The following CADPS2 variants were observed in gnomAD, a reference collection of about 807,000 sequenced individuals.
The protein encoded by CADPS2 is calcium dependent secretion activator 2.
In CADPS2, 93 loss-of-function variants were observed where a neutral mutation model predicts 172.5. The observed-to-expected ratio is 0.54, with a 90% confidence interval of 0.46 to 0.64. The LOEUF (loss-of-function observed/expected upper bound fraction) is 0.64, where lower values mean the gene tolerates loss of function less well. Among genes scored for constraint, CADPS2 ranks in the 30% least tolerant of loss-of-function variants. The pLI, the probability that CADPS2 is intolerant of heterozygous loss-of-function variation, is 0.00. For missense variants in CADPS2, 1,420 were observed against 1,565.9 expected, an observed-to-expected ratio of 0.91 and a Z score of 1.57; for synonymous variants, 546 against 555.2, an observed-to-expected ratio of 0.98 and a Z score of 0.23.
chr7:122,330,283 G>A (rs2034695320), intron 28 of CADPS2, among the ~76,000 whole-genome samples: 1 of 152,112 alleles, frequency 6.6e-6, no homozygotes, highest in Non-Finnish European at 1.5e-5. Context: ...GTTAAATGAG[G>A]AAGGCTTGGA....
chr7:122,590,956 A>C lies in CADPS2; in HGVS notation c.1224-9666T>G, dbSNP rs529275155. 3.2e-4 allele frequency among the ~76,000 whole-genome samples: 49 copies of C among 151,978 alleles called. 1 individual carries two copies. Among genetic ancestry groups the C allele is most frequent in the Non-Finnish European group, 7.1e-4 (48 of 67,938 alleles). On this transcript the variant is annotated intron_variant, in intron 6 of 29. Coordinates refer to ENST00000449022, the MANE Select transcript of CADPS2 (RefSeq NM_017954.11). ...TATACATCTAATTAAATTAGTTTAA[A>C]TTGGGTGATCAATAATGTTTATAGA...
intron 11 of CADPS2, among the ~76,000 whole-genome samples, chr7:122,484,264 A>G (rs1217030049): frequency 6.6e-6 from 1 of 152,186 alleles, no homozygotes; most frequent in Non-Finnish European, 1.5e-5. Context: ...ACCTAACTGT[A>G]AGATTTACCA....
intron 25 of CADPS2, among the ~76,000 whole-genome samples, chr7:122,370,241 T>C (rs1013295970): frequency 6.6e-6 from 1 of 152,172 alleles, no homozygotes; most frequent in African/African-American, 2.4e-5. Flanking sequence ...GTGTGTCTCC[T>C]CCAAGGGTTA....
chr7:122,818,118 C>T (rs1435635677), intron 1 of CADPS2, among the ~76,000 whole-genome samples: 1 of 151,534 alleles, frequency 6.6e-6, no homozygotes, highest in Non-Finnish European at 1.5e-5. Flanking sequence ...ACCCCCGAAC[C>T]CCTTCCCTCC....
At chr7:122,618,179 C>T (rs2075175311) in intron 5 of CADPS2, among the ~76,000 whole-genome samples, 1 of 152,096 alleles carries the variant, frequency 6.6e-6, no homozygotes, top group South Asian at 2.1e-4. Flanking sequence ...TGTGGATTGG[C>T]TCATCTCTTG....
chr7:122,336,093 G>A (rs1057163678), intron 28 of CADPS2, among the ~76,000 whole-genome samples: 3 of 152,286 alleles, frequency 2.0e-5, no homozygotes, highest in African/African-American at 4.8e-5. Context: ...CAGGTTAGGT[G>A]TTTATATGAA....
At chr7:122,700,502 A>T (rs2085868147) in intron 2 of CADPS2, among the ~76,000 whole-genome samples, 1 of 152,204 alleles carries the variant, frequency 6.6e-6, no homozygotes, top group African/African-American at 2.4e-5. Context: ...GTATATTCAC[A>T]AAGTGACACT....
intron 8 of CADPS2, among the ~76,000 whole-genome samples, chr7:122,517,241 T>C (rs2060446292): frequency 6.6e-6 from 1 of 152,174 alleles, no homozygotes; most frequent in Non-Finnish European, 1.5e-5. Context: ...AGCCCACTCC[T>C]TTCATTGCTA....
At chr7:122,355,081 A>T (rs56346012) in intron 27 of CADPS2, among the ~76,000 whole-genome samples, 34,800 of 152,080 alleles carry the variant, frequency 0.23, 4,233 homozygotes, top group Non-Finnish European at 0.26. Flanking sequence ...TATATGTTAC[A>T]AAGATACAAA....
At chr7:122,571,203 C>A (rs2067213954) in intron 7 of CADPS2, among the ~76,000 whole-genome samples, 1 of 151,970 alleles carries the variant, frequency 6.6e-6, no homozygotes. Flanking sequence ...TGAACAGATT[C>A]TTCACAAAAG....
chr7:122,459,291 C>A (rs928610371), intron 14 of CADPS2, among the ~76,000 whole-genome samples: 1 of 151,736 alleles, frequency 6.6e-6, no homozygotes, highest in Non-Finnish European at 1.5e-5. Flanking sequence ...ATTTTTCCTC[C>A]ATTTTTTGCT....
intron 8 of CADPS2, among the ~76,000 whole-genome samples, chr7:122,527,430 A>C (rs917632858): frequency 2.5e-4 from 36 of 144,926 alleles, no homozygotes; most frequent in East Asian, 8.4e-4. Context: ...AAAAAAAAAA[A>C]CACAAAACTG....
chr7:122,405,387 G>A (rs2046520104), intron 20 of CADPS2, among the ~76,000 whole-genome samples: 1 of 152,226 alleles, frequency 6.6e-6, no homozygotes, highest in Non-Finnish European at 1.5e-5. Flanking sequence ...TGAGGGCCAG[G>A]TGCAGTGGCT....
chr7:122,644,095 T>TGAAGGAAGGAAG (rs71531908), intron 3 of CADPS2, among the ~76,000 whole-genome samples: 12 of 146,216 alleles, frequency 8.2e-5, no homozygotes, highest in African/African-American at 2.5e-4. Context: ...AAGGAAGGAA[T>TGAAGGAAGGAAG]GAAGGAAGGA....
At chr7:122,466,870 AT>A (rs1443624553) in intron 14 of CADPS2, among the ~76,000 whole-genome samples, 1 of 152,110 alleles carries the variant, frequency 6.6e-6, no homozygotes, top group African/African-American at 2.4e-5. Flanking sequence ...AGATGCTCTG[AT>A]TCCTCACTCA....
At chr7:122,360,877 G>A (rs1307340854) in intron 26 of CADPS2, 53 bp downstream of exon 26, 16 of 1,595,220 alleles carry the variant, frequency 1.0e-5, no homozygotes, top group East Asian at 6.7e-5. Context: ...TGCCATATAA[G>A]TACTATGACA....
At chr7:122,331,767 G>A (rs1009315565) in intron 28 of CADPS2, 3 of 152,210 alleles carry the variant, frequency 2.0e-5, no homozygotes, top group Non-Finnish European at 2.9e-5. Context: ...ACAAAACTGA[G>A]TTTAGATTAA....
chr7:122,634,333 C>T (rs757654882), intron 3 of CADPS2, among the ~76,000 whole-genome samples: 1 of 152,082 alleles, frequency 6.6e-6, no homozygotes, highest in Admixed American at 6.6e-5. Flanking sequence ...TTTTAAATTA[C>T]TGATTCAATT....
intron 1 of CADPS2, among the ~76,000 whole-genome samples, chr7:122,812,419 AAAAG>A (rs1158531982): frequency 2.6e-5 from 4 of 151,764 alleles, no homozygotes; most frequent in Admixed American, 6.6e-5. Context: ...GGAAAAAAAA[AAAAG>A]AGAGAGAGAG....
Sources: gnomAD v4.1 joint callset for allele counts (sites outside exome capture counted in the v4.1 genomes callset) on GRCh38, gnomAD v4.1.1 for gene constraint, MANE v1.5 for transcripts, NCBI Gene and HGNC (gene_info 2026-07-23, HGNC 2026-07-21) for gene names.